NFS1: variants seen among roughly 807,000 people sequenced by gnomAD.
The protein encoded by NFS1 is cysteine desulfurase.
A neutral mutation model predicts 57.3 loss-of-function variants in NFS1; 26 were observed. The observed-to-expected ratio is 0.45, with a 90% CI of 0.33 to 0.63. The LOEUF (loss-of-function observed/expected upper bound fraction) is 0.63. NFS1 is among the 20% of genes least tolerant of loss of function. The probability of loss-of-function intolerance (pLI) is 0.02; values close to 1 mark genes in which losing one functional copy is unlikely to be tolerated. For missense variants in NFS1, 505 were observed against 605.8 expected (o/e 0.83, Z 1.75); for synonymous variants, 209 against 216.3 (o/e 0.97, Z 0.30).
intron 3 of NFS1, among the ~76,000 whole-genome samples, chr20:35,696,999 G>A (rs1942131998): frequency 6.6e-6 from 1 of 152,172 alleles, no homozygotes; most frequent in Admixed American, 6.5e-5. Flanking sequence ...CCAGCTACTT[G>A]GGAGGCTGAG....
Position 35,680,048 on chromosome 20 carries a change from T to C in NFS1, c.790+689A>G, listed in dbSNP as rs140079641. ...AGCTGGGCTTGGTGGCTCACATCTA[T>C]AATCCCAGCACTTTGGGAGGCCGAG... On this transcript the variant is annotated intron_variant, in intron 7 of 12. Coordinates refer to ENST00000374092, the MANE Select transcript of NFS1 (RefSeq NM_021100.5). 9.7e-3 allele frequency among the ~76,000 whole-genome samples: 1,479 copies of C among 152,194 alleles called. 12 individuals carry two copies. The highest frequency in any genetic ancestry group is 0.015 in the Non-Finnish European group (1,054 of 68,002).
At position 35,669,717 on chromosome 20, in the gene NFS1, G is replaced by A. The variant is rs372294499; in HGVS notation, c.1311-32C>T. 5.9e-5 allele frequency: 95 copies of A among 1,603,282 alleles called. No homozygotes were observed. The African/African-American group carries it at 1.2e-3, about 20-fold the overall frequency. Reference sequence around the variant, plus strand: ...AAGAGAAGAGGCATTAAATGAGTGAGGGCTTAGATAGGAAGTCGACAACAT... The same window carrying A: ...AAGAGAAGAGGCATTAAATGAGTGAAGGCTTAGATAGGAAGTCGACAACAT... On this transcript the variant is annotated intron_variant, in intron 12 of 12. Coordinates refer to ENST00000374092, the MANE Select transcript of NFS1 (RefSeq NM_021100.5).
chr20:35,684,430 T>TAAAAC (rs2034904807), intron 5 of NFS1, among the ~76,000 whole-genome samples: 2 of 124,870 alleles, frequency 1.6e-5, no homozygotes, highest in South Asian at 5.1e-4. Context: ...TAAAATAAAA[T>TAAAAC]AAAATAAAAT....
At chr20:35,689,098 G>A (rs931582181) in intron 5 of NFS1, among the ~76,000 whole-genome samples, 2 of 152,184 alleles carry the variant, frequency 1.3e-5, no homozygotes, top group Non-Finnish European at 2.9e-5. Flanking sequence ...GAAGGAGGAG[G>A]CCAGAGCTTT....
chr20:35,696,546 A>G, intron 3 of NFS1, 86 bp from the exon 4 acceptor site: 2 of 960,838 alleles, frequency 2.1e-6, no homozygotes, highest in Non-Finnish European at 3.3e-6. Flanking sequence ...CCCTGGAGCA[A>G]GAAGAGCTCC....
At chr20:35,673,016 G>A (rs573773065) in intron 11 of NFS1, among the ~76,000 whole-genome samples, 172 bp from the exon 12 acceptor site, 3 of 152,280 alleles carry the variant, frequency 2.0e-5, no homozygotes, top group East Asian at 1.9e-4. Flanking sequence ...GGCCGGGCAT[G>A]GTGGCTCACG....
Position 35,670,991 on chromosome 20 carries a change from G to C in NFS1, c.1311-1306C>G, listed in dbSNP as rs540385710. Among the ~76,000 whole-genome samples the C allele has an allele frequency of 1.5e-3, 228 of 152,302 alleles. 1 individual carries two copies. The highest frequency in any genetic ancestry group is 5.3e-3 in the African/African-American group (222 of 41,560). ...GTCAAGGTTAACCAAGACAGAGCCAGGCTCTGAAAAAATCTAGAGGCCTCA... is the reference window on the plus strand; with the variant it reads ...GTCAAGGTTAACCAAGACAGAGCCACGCTCTGAAAAAATCTAGAGGCCTCA... On this transcript the variant is annotated intron_variant, in intron 12 of 12. Coordinates refer to ENST00000374092, the MANE Select transcript of NFS1 (RefSeq NM_021100.5).
chr20:35,677,105 T>C (rs568419888), intron 7 of NFS1, among the ~76,000 whole-genome samples: 2 of 152,344 alleles, frequency 1.3e-5, no homozygotes, highest in South Asian at 4.1e-4. Context: ...GGCCTCATGA[T>C]CTGCCCGCCT....
At chr20:35,696,650 A>G (rs931446014) in intron 3 of NFS1, among the ~76,000 whole-genome samples, 190 bp from the exon 4 acceptor site, 4 of 151,542 alleles carry the variant, frequency 2.6e-5, no homozygotes, top group East Asian at 3.9e-4. Context: ...TTCCAGCCCA[A>G]TGCAAAATAA....
rs994838627 is a variant in NFS1 at position 35,675,127 on chromosome 20, C to T, written c.866G>A (p.Arg289Gln). The change falls in exon 8 of 13, where the codon CGG (arginine) becomes CAG (glutamine). Residue 289 changes from arginine to glutamine, a missense_variant. Physicochemically the swap from Arg to Gln is conservative, Grantham distance 43. Coordinates refer to ENST00000374092, the MANE Select transcript of NFS1 (RefSeq NM_021100.5). ...GGGCACTGTCCCAGACCGCATACCC[C>T]GCTCCTGCCCCCCTCCACTCTGCAG... ...EALQSGGGQE[R>Q]GMRSGTVPTP... 6 of 1,613,884 alleles carry T rather than the reference C, an allele frequency of 3.7e-6. No homozygotes were observed. Among genetic ancestry groups the T allele is most frequent in the African/African-American group, 1.3e-5 (1 of 74,912 alleles).
At chr20:35,683,809 A>G (rs184985818) in intron 5 of NFS1, among the ~76,000 whole-genome samples, 189 of 149,762 alleles carry the variant, frequency 1.3e-3, no homozygotes, top group East Asian at 2.5e-3. Context: ...AAAAAAAAAA[A>G]AAAGAAAGAA....
At chr20:35,670,706 A>C (rs984584776) in intron 12 of NFS1, among the ~76,000 whole-genome samples, 1 of 152,202 alleles carries the variant, frequency 6.6e-6, no homozygotes, top group Admixed American at 6.5e-5. Flanking sequence ...GCAGATGCCG[A>C]AGCCACATAG....
At chr20:35,678,192 C>CAA (rs536417063) in intron 7 of NFS1, among the ~76,000 whole-genome samples, 4 of 135,188 alleles carry the variant, frequency 3.0e-5, no homozygotes, top group African/African-American at 8.2e-5. Flanking sequence ...TACAAAAATA[C>CAA]AAAAAAAAAA....
intron 5 of NFS1, among the ~76,000 whole-genome samples, chr20:35,688,353 G>A (rs1454074023): frequency 6.6e-6 from 1 of 152,052 alleles, no homozygotes; most frequent in Non-Finnish European, 1.5e-5. Flanking sequence ...TCAGGAGTTT[G>A]AGACCAGCCT....
intron 5 of NFS1, among the ~76,000 whole-genome samples, chr20:35,683,890 G>A (rs2146424529): frequency 6.6e-6 from 1 of 151,928 alleles, no homozygotes; most frequent in East Asian, 1.9e-4. Flanking sequence ...CACTTCGGCA[G>A]ATCACCTGAG....
chr20:35,680,692 T>G, intron 7 of NFS1, 45 bp downstream of exon 7: 2 of 1,417,070 alleles, frequency 1.4e-6, no homozygotes, highest in Non-Finnish European at 1.9e-6. Flanking sequence ...ATCAAAGGTC[T>G]TGCTGGAAGG....
At chr20:35,688,516 C>G (rs932735603) in intron 5 of NFS1, among the ~76,000 whole-genome samples, 2 of 152,058 alleles carry the variant, frequency 1.3e-5, no homozygotes, top group Non-Finnish European at 2.9e-5. Flanking sequence ...AAGATCGTGC[C>G]ACTGCATTCC....
Position 35,696,372 on chromosome 20 carries a change from C to T in NFS1, c.408+5G>A. 6.2e-7 allele frequency: 1 copy of T among 1,607,248 alleles called. No individual in the cohort carries two copies. The highest frequency in any genetic ancestry group is 8.5e-7 in the Non-Finnish European group (1 of 1,173,690). ...CACATACACCCTCTGGTTCCCTTCT[C>T]TTACCTTAATTGCTATGTTGTTGGA... On this transcript the variant is annotated splice_donor_5th_base_variant and intron_variant, in intron 4 of 12. Transcript: ENST00000374092.
intron 12 of NFS1, among the ~76,000 whole-genome samples, chr20:35,672,393 G>A (rs556409795): frequency 2.0e-5 from 3 of 152,144 alleles, no homozygotes; most frequent in Non-Finnish European, 2.9e-5. Flanking sequence ...GGGATTATAG[G>A]GATGCGCCAC....
Sources: allele counts gnomAD v4.1 joint callset (sites outside exome capture counted in the v4.1 genomes callset), GRCh38; gene constraint gnomAD v4.1.1; transcripts MANE v1.5; gene names NCBI Gene and HGNC (gene_info 2026-07-23, HGNC 2026-07-21).